THSD7B: variants seen among roughly 807,000 people sequenced by gnomAD.
THSD7B encodes the protein thrombospondin type 1 domain containing 7B.
Under a neutral mutation model 213.6 loss-of-function variants are expected in THSD7B, and 138 were observed. That is an observed-to-expected ratio of 0.65 (90% confidence interval 0.56 to 0.74). The LOEUF (loss-of-function observed/expected upper bound fraction) is 0.74, where lower values mean the gene tolerates loss of function less well. THSD7B is among the 30% of genes least tolerant of loss of function. The probability of loss-of-function intolerance (pLI) is 0.00; values close to 1 mark genes in which losing one functional copy is unlikely to be tolerated. For missense variants in THSD7B, 1,931 were observed against 1,991.5 expected, an observed-to-expected ratio of 0.97 and a Z score of 0.58; for synonymous variants, 742 against 687.0, an observed-to-expected ratio of 1.08 and a Z score of -1.25.
intron 12 of THSD7B, among the ~76,000 whole-genome samples, chr2:137,393,429 C>A (rs911534381): frequency 6.7e-6 from 1 of 149,080 alleles, no homozygotes; most frequent in Non-Finnish European, 1.5e-5. Context: ...TTTGTTCTTA[C>A]GATAGTTTAC....
chr2:136,909,466 T>C (rs1195022842), intron 2 of THSD7B, among the ~76,000 whole-genome samples: 1 of 152,220 alleles, frequency 6.6e-6, no homozygotes. Flanking sequence ...CCATTTCTTA[T>C]ACATCTTTGT....
At chr2:136,879,836 C>G (rs909732857) in intron 1 of THSD7B, among the ~76,000 whole-genome samples, 1 of 152,072 alleles carries the variant, frequency 6.6e-6, no homozygotes, top group Non-Finnish European at 1.5e-5. Context: ...ATAAAATAGA[C>G]TTTAAACCAA....
intron 2 of THSD7B, among the ~76,000 whole-genome samples, chr2:137,034,949 A>G (rs994341834): frequency 6.6e-6 from 1 of 152,198 alleles, no homozygotes; most frequent in African/African-American, 2.4e-5. Flanking sequence ...CTTTGGGTAC[A>G]TACCCAGTAA....
intron 12 of THSD7B, among the ~76,000 whole-genome samples, chr2:137,381,635 T>C (rs1381183296): frequency 3.9e-5 from 6 of 152,050 alleles, no homozygotes; most frequent in Admixed American, 3.9e-4. Flanking sequence ...TGAGAGAAAA[T>C]GGGGCCTCAA....
At chr2:136,933,029 G>A (rs1197261153) in intron 2 of THSD7B, among the ~76,000 whole-genome samples, 1 of 152,122 alleles carries the variant, frequency 6.6e-6, no homozygotes, top group African/African-American at 2.4e-5. Context: ...TCCAGCTTCT[G>A]TTACTGGAGG....
intron 2 of THSD7B, among the ~76,000 whole-genome samples, chr2:136,938,834 C>T (rs575052990): frequency 7.2e-5 from 11 of 152,248 alleles, no homozygotes; most frequent in African/African-American, 2.6e-4. Flanking sequence ...ATAAACCAGT[C>T]TGACTTAGTG....
rs148240970 is a variant in THSD7B, at chr2:137,652,901, T to C, written c.3946-2600T>C. On this transcript the variant is annotated intron_variant, in intron 21 of 27. Transcript: ENST00000409968. Reference sequence around the variant, plus strand: ...TTTCTCAATTGACATATTTTTATATTATCATTCTTAGGTTGCTGTAGCTGT... The same window carrying C: ...TTTCTCAATTGACATATTTTTATATCATCATTCTTAGGTTGCTGTAGCTGT... Among the ~76,000 whole-genome samples the C allele has an allele frequency of 3.8e-3, 574 of 152,310 alleles. 3 individuals are homozygous for C. In the Middle Eastern group the frequency reaches 0.041, roughly 11 times the overall value.
At chr2:137,425,318 G>A (rs1002207544) in intron 14 of THSD7B, among the ~76,000 whole-genome samples, 4 of 152,098 alleles carry the variant, frequency 2.6e-5, no homozygotes, top group African/African-American at 7.2e-5. Context: ...GCAGGTTCAA[G>A]TGATTCTCCT....
At chr2:136,868,523 TAATC>T (rs1214177720) in intron 1 of THSD7B, among the ~76,000 whole-genome samples, 5 of 152,230 alleles carry the variant, frequency 3.3e-5, no homozygotes, top group East Asian at 3.8e-4. Context: ...GATGCATAAT[TAATC>T]AAGAGAATGC....
At chr2:136,937,453 C>G (rs1291712716) in intron 2 of THSD7B, among the ~76,000 whole-genome samples, 2 of 151,954 alleles carry the variant, frequency 1.3e-5, no homozygotes. Context: ...TTGGATTGTC[C>G]GAGTTGGCAG....
intron 7 of THSD7B, among the ~76,000 whole-genome samples, chr2:137,208,322 C>T (rs112301857): frequency 0.014 from 2,181 of 152,060 alleles, 40 homozygotes; most frequent in African/African-American, 0.049. Context: ...GCTAAATTAC[C>T]GAGGTTGAAA....
chr2:137,291,763 G>A (rs10210236), intron 12 of THSD7B, among the ~76,000 whole-genome samples: 68,253 of 151,812 alleles, frequency 0.45, 15,437 homozygotes, highest in South Asian at 0.57. Flanking sequence ...AGAATGAGAT[G>A]ATGAGAAAAT....
At chr2:137,663,168 C>T (rs981820362) in intron 25 of THSD7B, among the ~76,000 whole-genome samples, 3 of 151,842 alleles carry the variant, frequency 2.0e-5, no homozygotes, top group African/African-American at 7.3e-5. Flanking sequence ...ATTGTAAACA[C>T]ATTTGAAAAA....
At chr2:137,049,128 A>G (rs1278847170) in intron 2 of THSD7B, among the ~76,000 whole-genome samples, 1 of 152,252 alleles carries the variant, frequency 6.6e-6, no homozygotes, top group Non-Finnish European at 1.5e-5. Flanking sequence ...TTTCATAAAT[A>G]TCTTTTGACA....
intron 1 of THSD7B, among the ~76,000 whole-genome samples, chr2:136,800,341 T>C (rs1278579652): frequency 6.6e-6 from 1 of 151,980 alleles, no homozygotes; most frequent in Non-Finnish European, 1.5e-5. Flanking sequence ...TAGTGTGGCT[T>C]CTTGGCTTTG....
At chr2:137,174,992 G>C (rs1680332290) in intron 7 of THSD7B, among the ~76,000 whole-genome samples, 1 of 152,138 alleles carries the variant, frequency 6.6e-6, no homozygotes, top group African/African-American at 2.4e-5. Flanking sequence ...ACATATAACT[G>C]GTTCGTTATT....
At chr2:137,450,251 G>A (rs1687621344) in intron 14 of THSD7B, among the ~76,000 whole-genome samples, 1 of 152,170 alleles carries the variant, frequency 6.6e-6, no homozygotes, top group African/African-American at 2.4e-5. Flanking sequence ...AGGCCAGGTA[G>A]AGCTAGAACT....
chr2:137,407,600 A>T (rs1686557141), intron 13 of THSD7B, among the ~76,000 whole-genome samples: 1 of 152,180 alleles, frequency 6.6e-6, no homozygotes, highest in African/African-American at 2.4e-5. Flanking sequence ...TAAATGCAAT[A>T]AACAATCTCT....
intron 5 of THSD7B, among the ~76,000 whole-genome samples, chr2:137,156,784 T>C (rs1207836567): frequency 6.6e-6 from 1 of 152,158 alleles, no homozygotes; most frequent in African/African-American, 2.4e-5. Context: ...TCAGATACAC[T>C]GTAGTGCTTG....
Sources: gnomAD v4.1 joint callset for allele counts (sites outside exome capture counted in the v4.1 genomes callset) on GRCh38, gnomAD v4.1.1 for gene constraint, MANE v1.5 for transcripts, NCBI Gene and HGNC (gene_info 2026-07-23, HGNC 2026-07-21) for gene names.